KIAA1217: variants seen among roughly 807,000 people sequenced by gnomAD.
KIAA1217 encodes the protein KIAA1217.
A neutral mutation model predicts 163.9 loss-of-function variants in KIAA1217; 88 were observed. That is an observed-to-expected ratio of 0.54 (90% CI 0.45 to 0.64). The LOEUF (loss-of-function observed/expected upper bound fraction) is 0.64, where lower values mean the gene tolerates loss of function less well. Among genes scored for constraint, KIAA1217 ranks in the 30% least tolerant of loss-of-function variants. KIAA1217 has a pLI of 0.00. For missense variants in KIAA1217, 2,372 were observed against 2,475.0 expected, an observed-to-expected ratio of 0.96 and a Z score of 0.88; for synonymous variants, 903 against 923.1, an observed-to-expected ratio of 0.98 and a Z score of 0.39.
At chr10:23,920,929 A>G (rs1842826918) in intron 1 of KIAA1217, among the ~76,000 whole-genome samples, 1 of 152,130 alleles carries the variant, frequency 6.6e-6, no homozygotes, top group Non-Finnish European at 1.5e-5. Flanking sequence ...TTTATAAAGA[A>G]CAGCTCCCCT....
chr10:24,036,658 C>T (rs970292953), intron 2 of KIAA1217, among the ~76,000 whole-genome samples: 2 of 152,102 alleles, frequency 1.3e-5, no homozygotes, highest in Non-Finnish European at 2.9e-5. Flanking sequence ...AGTGACAGGG[C>T]AAGAGAGAGA....
At chr10:24,016,627 T>C (rs897021874) in intron 2 of KIAA1217, among the ~76,000 whole-genome samples, 1 of 152,158 alleles carries the variant, frequency 6.6e-6, no homozygotes, top group African/African-American at 2.4e-5. Flanking sequence ...TAGTATAATA[T>C]TGTAACTATA....
chr10:24,242,239 C>T (rs1388854095), intron 2 of KIAA1217, among the ~76,000 whole-genome samples: 1 of 152,160 alleles, frequency 6.6e-6, no homozygotes, highest in African/African-American at 2.4e-5. Flanking sequence ...TTTTAACCCA[C>T]ATCCCACCTC....
chr10:24,102,519 T>A (rs1326005480), intron 2 of KIAA1217, among the ~76,000 whole-genome samples: 1 of 152,172 alleles, frequency 6.6e-6, no homozygotes, highest in Non-Finnish European at 1.5e-5. Flanking sequence ...GAAAGTTATT[T>A]CATGAATATC....
chr10:23,894,837 C>T (rs1589030241), intron 1 of KIAA1217, among the ~76,000 whole-genome samples: 1 of 151,770 alleles, frequency 6.6e-6, no homozygotes, highest in African/African-American at 2.4e-5. Flanking sequence ...AATAACACCA[C>T]ATATCTACAA....
chr10:23,895,778 G>A (rs1310064722), intron 1 of KIAA1217, among the ~76,000 whole-genome samples: 4 of 151,894 alleles, frequency 2.6e-5, no homozygotes, highest in Non-Finnish European at 5.9e-5. Flanking sequence ...TTAAGAAAAT[G>A]TGGCACATAT....
chr10:24,269,210 TAAAAAAAAA>T (rs59746609), intron 2 of KIAA1217, among the ~76,000 whole-genome samples: 1 of 87,080 alleles, frequency 1.1e-5, no homozygotes, highest in African/African-American at 4.2e-5. Flanking sequence ...AAAGTATAAT[TAAAAAAAAA>T]AAAAAAAAAA....
chr10:24,101,139 G>A (rs1039092619), intron 2 of KIAA1217, among the ~76,000 whole-genome samples: 4 of 152,156 alleles, frequency 2.6e-5, no homozygotes, highest in African/African-American at 9.7e-5. Context: ...GCAATTTTTG[G>A]AGTCAAATCA....
At chr10:23,961,348 A>AT (rs1844813293) in intron 1 of KIAA1217, among the ~76,000 whole-genome samples, 1 of 152,322 alleles carries the variant, frequency 6.6e-6, no homozygotes, top group African/African-American at 2.4e-5. Flanking sequence ...ACCAAGAAAC[A>AT]TTTTTTAAAG....
intron 1 of KIAA1217, among the ~76,000 whole-genome samples, chr10:23,825,102 C>T (rs1360182106): frequency 6.6e-6 from 1 of 152,164 alleles, no homozygotes; most frequent in Non-Finnish European, 1.5e-5. Context: ...GTTTCCAATT[C>T]CTGCACGCAC....
intron 1 of KIAA1217, among the ~76,000 whole-genome samples, chr10:23,698,682 A>C (rs1037546167): frequency 6.6e-6 from 1 of 152,174 alleles, no homozygotes; most frequent in Non-Finnish European, 1.5e-5. Context: ...CCAGGATCAC[A>C]CTCAAATGCA....
At chr10:23,888,320 G>T (rs1841271153) in intron 1 of KIAA1217, among the ~76,000 whole-genome samples, 1 of 151,888 alleles carries the variant, frequency 6.6e-6, no homozygotes, top group South Asian at 2.1e-4. Context: ...CTGAAATCAG[G>T]ATAGACATTG....
intron 1 of KIAA1217, among the ~76,000 whole-genome samples, chr10:24,216,139 G>A (rs1162693471): frequency 6.6e-6 from 1 of 152,170 alleles, no homozygotes; most frequent in Non-Finnish European, 1.5e-5. Context: ...CAGTAAGTCA[G>A]GGCTGCTCAA....
chr10:24,128,024 A>G (rs2131798968), intron 2 of KIAA1217, among the ~76,000 whole-genome samples: 1 of 152,364 alleles, frequency 6.6e-6, no homozygotes, highest in East Asian at 1.9e-4. Flanking sequence ...CTGAAGCCTC[A>G]CCAAATTATT....
intron 2 of KIAA1217, among the ~76,000 whole-genome samples, chr10:24,284,260 T>C (rs775792121): frequency 2.0e-5 from 3 of 152,230 alleles, no homozygotes; most frequent in East Asian, 1.9e-4. Context: ...AGGGGGTACA[T>C]GTGCAGATTT....
intron 1 of KIAA1217, among the ~76,000 whole-genome samples, chr10:23,783,159 A>C (rs751793032): frequency 2.5e-4 from 38 of 152,158 alleles, no homozygotes; most frequent in Non-Finnish European, 4.1e-4. Flanking sequence ...GCCACACATA[A>C]AATACATTAA....
chr10:24,172,121 C>T (rs2065660115), intron 2 of KIAA1217, among the ~76,000 whole-genome samples: 1 of 152,142 alleles, frequency 6.6e-6, no homozygotes, highest in African/African-American at 2.4e-5. Flanking sequence ...GTATAATTCA[C>T]ACAAGGTAGT....
At chr10:24,379,010 G>T (rs1342141132) in intron 2 of KIAA1217, among the ~76,000 whole-genome samples, 2 of 152,168 alleles carry the variant, frequency 1.3e-5, no homozygotes, top group Admixed American at 1.3e-4. Context: ...CTCATCAAAT[G>T]TATGGTTTCT....
At chr10:23,937,113 G>A (rs1054741942) in intron 1 of KIAA1217, among the ~76,000 whole-genome samples, 2 of 152,150 alleles carry the variant, frequency 1.3e-5, no homozygotes, top group Non-Finnish European at 2.9e-5. Context: ...GACCTCAAGT[G>A]ATCTGCACGC....
Sources: gnomAD v4.1 joint callset for allele counts (sites outside exome capture counted in the v4.1 genomes callset) on GRCh38, gnomAD v4.1.1 for gene constraint, MANE v1.5 for transcripts, NCBI Gene and HGNC (gene_info 2026-07-23, HGNC 2026-07-21) for gene names.